ZNF385D: variants seen among roughly 807,000 people sequenced by gnomAD.
ZNF385D encodes zinc finger protein 659.
ZNF385D carries 15 observed loss-of-function variants against 35.8 expected under a neutral mutation model. That is an observed-to-expected ratio of 0.42 (90% CI 0.28 to 0.64). The LOEUF is 0.64. ZNF385D is among the 30% of genes least tolerant of loss of function. The pLI, the probability that ZNF385D is intolerant of heterozygous loss-of-function variation, is 0.23. For missense variants in ZNF385D, 474 were observed against 494.6 expected, an observed-to-expected ratio of 0.96 and a Z score of 0.39; for synonymous variants, 212 against 186.8, an observed-to-expected ratio of 1.13 and a Z score of -1.10.
At chr3:21,579,163 T>C (rs1308297000) in intron 2 of ZNF385D, 1 of 152,206 alleles carries the variant, frequency 6.6e-6, no homozygotes, top group Admixed American at 6.6e-5. Context: ...CTGAATAAAG[T>C]ATAATTCTGG....
intron 3 of ZNF385D, among the ~76,000 whole-genome samples, chr3:21,835,500 T>G (rs1295244817): frequency 6.9e-6 from 1 of 144,794 alleles, no homozygotes; most frequent in Non-Finnish European, 1.5e-5. Flanking sequence ...ATTCACAGGG[T>G]GGATCAAAGT....
At chr3:22,238,818 G>A (rs1432290496) in intron 2 of ZNF385D, among the ~76,000 whole-genome samples, 1 of 150,742 alleles carries the variant, frequency 6.6e-6, no homozygotes, top group Non-Finnish European at 1.5e-5. Context: ...CTGCAGCCTT[G>A]AACTCCTAGG....
intron 4 of ZNF385D, among the ~76,000 whole-genome samples, chr3:21,496,643 A>C (rs576620919): frequency 6.6e-6 from 1 of 150,522 alleles, no homozygotes; most frequent in African/African-American, 2.4e-5. Flanking sequence ...ATAGATGCCA[A>C]AGTCCTCAAC....
At chr3:22,217,884 G>C (rs967191063) in intron 2 of ZNF385D, among the ~76,000 whole-genome samples, 14 of 152,090 alleles carry the variant, frequency 9.2e-5, no homozygotes, top group Non-Finnish European at 1.8e-4. Context: ...CAACTTGCAG[G>C]AAAGGGAATG....
chr3:21,527,744 G>A (rs2125522348), intron 3 of ZNF385D, among the ~76,000 whole-genome samples: 1 of 139,612 alleles, frequency 7.2e-6, no homozygotes, highest in South Asian at 2.5e-4. Flanking sequence ...AATGCTCACT[G>A]CAGAAAAACT....
In ZNF385D at chr3:21,511,092, C is replaced by T. The variant is rs369925596; in HGVS notation, c.277-69G>A. On this transcript the variant is annotated intron_variant, in intron 3 of 7. Transcript: ENST00000281523. Reference sequence around the variant, plus strand: ...TAAACTGGCATTCTCTGTATTACTGCAAATACAGACTCCCTTTCAATAACA... The same window carrying T: ...TAAACTGGCATTCTCTGTATTACTGTAAATACAGACTCCCTTTCAATAACA... The T allele has an allele frequency of 1.1e-5, 17 of 1,557,766 alleles. No individual in the cohort carries two copies. The African/African-American group carries it at 1.2e-4, about 11-fold the overall frequency.
intron 3 of ZNF385D, among the ~76,000 whole-genome samples, chr3:21,825,094 TCACA>T (rs1694513610): frequency 2.6e-5 from 4 of 152,338 alleles, no homozygotes; most frequent in Admixed American, 6.5e-5. Context: ...TATAAGTCAC[TCACA>T]AAGAACAATT....
intron 3 of ZNF385D, among the ~76,000 whole-genome samples, chr3:21,836,942 T>G (rs1272705242): frequency 6.6e-6 from 1 of 152,056 alleles, no homozygotes; most frequent in African/African-American, 2.4e-5. Context: ...GAGCTGATCC[T>G]GTCACCTCCA....
intron 3 of ZNF385D, among the ~76,000 whole-genome samples, chr3:22,038,385 G>C (rs1698464572): frequency 6.6e-6 from 1 of 152,116 alleles, no homozygotes; most frequent in Non-Finnish European, 1.5e-5. Flanking sequence ...CCTTGGACTT[G>C]TTACCTAATT....
intron 2 of ZNF385D, among the ~76,000 whole-genome samples, chr3:22,286,247 G>C (rs2125389280): frequency 6.6e-6 from 1 of 152,172 alleles, no homozygotes; most frequent in Non-Finnish European, 1.5e-5. Flanking sequence ...ACAGTTGTGT[G>C]ATGTACTAAT....
At chr3:21,752,744 G>A (rs1462521662), upstream of ZNF385D, among the ~76,000 whole-genome samples, 1 of 151,886 alleles carries the variant, frequency 6.6e-6, no homozygotes, top group East Asian at 1.9e-4. Context: ...ACATAGTAAA[G>A]GATATTAACT....
intron 2 of ZNF385D, among the ~76,000 whole-genome samples, chr3:22,257,526 T>G (rs4858394): frequency 6.6e-6 from 1 of 151,792 alleles, no homozygotes; most frequent in East Asian, 1.9e-4. Context: ...ATAATAAATA[T>G]AGGTTTTCTC....
intron 3 of ZNF385D, among the ~76,000 whole-genome samples, chr3:22,098,288 T>C (rs1412710897): frequency 6.6e-6 from 1 of 152,066 alleles, no homozygotes; most frequent in African/African-American, 2.4e-5. Flanking sequence ...GTTGACTTTA[T>C]TGCTCTGGGA....
At chr3:21,950,008 A>C (rs776440741) in intron 3 of ZNF385D, among the ~76,000 whole-genome samples, 4 of 152,226 alleles carry the variant, frequency 2.6e-5, no homozygotes, top group Non-Finnish European at 4.4e-5. Flanking sequence ...ACAGTGCCAC[A>C]ATAAACATAT....
chr3:22,151,679 G>A (rs928533351), intron 3 of ZNF385D, among the ~76,000 whole-genome samples: 1 of 151,936 alleles, frequency 6.6e-6, no homozygotes, highest in Non-Finnish European at 1.5e-5. Flanking sequence ...TGAGTAAAAC[G>A]TGTTTTACTC....
Position 21,778,615 on chromosome 3 carries a change from C to A in ZNF385D, c.326-113587G>T, listed in dbSNP as rs569634725. On this transcript the variant is annotated intron_variant, in intron 3 of 5. Transcript: ENST00000494108. ...ACACATATATATATACCTGTCTCAA[C>A]TGAGGCAGAAAAATCACATCACATA... Among the ~76,000 whole-genome samples, 120 of 152,028 alleles carry A rather than the reference C, an allele frequency of 7.9e-4. 1 individual carries two copies. The highest frequency in any genetic ancestry group is 2.8e-3 in the African/African-American group (117 of 41,514).
chr3:21,862,235 A>T (rs1236985827), intron 3 of ZNF385D, among the ~76,000 whole-genome samples: 1 of 151,922 alleles, frequency 6.6e-6, no homozygotes, highest in Non-Finnish European at 1.5e-5. Flanking sequence ...GGATAGAAAC[A>T]GCCCTACTAC....
At chr3:21,443,056 C>T in intron 4 of ZNF385D, 3 of 889,620 alleles carry the variant, frequency 3.4e-6, no homozygotes, top group Middle Eastern at 5.8e-4. Flanking sequence ...CTGAATTCCT[C>T]ACTCCCGTCT....
At chr3:22,100,834 A>C (rs1186107261) in intron 3 of ZNF385D, among the ~76,000 whole-genome samples, 2 of 151,956 alleles carry the variant, frequency 1.3e-5, no homozygotes, top group Non-Finnish European at 2.9e-5. Flanking sequence ...AAAGTATAAT[A>C]ATATTAAAAT....
Sources: allele counts gnomAD v4.1 joint callset (sites outside exome capture counted in the v4.1 genomes callset), GRCh38; gene constraint gnomAD v4.1.1; transcripts MANE v1.5; gene names NCBI Gene and HGNC (gene_info 2026-07-23, HGNC 2026-07-21).